RANBP10: variants seen among roughly 807,000 people sequenced by gnomAD.
RANBP10 encodes the protein ran-binding protein 10.
A neutral mutation model predicts 72.8 loss-of-function variants in RANBP10; 24 were observed. That is an observed-to-expected ratio of 0.33 (90% CI 0.24 to 0.46). The LOEUF (loss-of-function observed/expected upper bound fraction) is 0.46, where lower values mean the gene tolerates loss of function less well. Among genes scored for constraint, RANBP10 ranks in the 20% least tolerant of loss-of-function variants. The probability of loss-of-function intolerance (pLI) is 1.00; values close to 1 mark genes in which losing one functional copy is unlikely to be tolerated. For missense variants in RANBP10, 679 were observed against 817.5 expected (o/e 0.83, Z 2.07); for synonymous variants, 310 against 322.3 (o/e 0.96, Z 0.41).
chr16:67,776,484 AAAG>A (rs1472235790), intron 2 of RANBP10, among the ~76,000 whole-genome samples: 36 of 150,116 alleles, frequency 2.4e-4, no homozygotes, highest in Admixed American at 4.7e-4. Flanking sequence ...AAAAAAAAAA[AAAG>A]AATTGGCCAG....
At chr16:67,780,283 G>C (rs979324844) in intron 2 of RANBP10, among the ~76,000 whole-genome samples, 1 of 152,080 alleles carries the variant, frequency 6.6e-6, no homozygotes, top group Admixed American at 6.6e-5. Flanking sequence ...AAGGCATAGA[G>C]GCAAGAAAGC....
chr16:67,745,629 C>G (rs1395103384), intron 3 of RANBP10, among the ~76,000 whole-genome samples: 2 of 152,214 alleles, frequency 1.3e-5, no homozygotes, highest in Non-Finnish European at 2.9e-5. Context: ...GCCACCGTAC[C>G]TGGCCGATTC....
chr16:67,805,486 G>A lies in RANBP10; in HGVS notation c.289C>T (p.Pro97Ser), dbSNP rs2055361805. Residue 97 changes from proline (P) to serine (S), a missense_variant, in exon 2 of 14, where the codon CCT (proline) becomes TCT (serine). By Grantham distance (74) the Pro-to-Ser change is moderately conservative. Transcript: ENST00000317506. ...AASVRATHPI[P>S]AACGIYYFEV... The stretch of plus-strand genomic sequence containing the variant: ...AAGTAATAAATGCCACAGGCAGCAG[G>A]TATGGGGTGGGTGGCACGCACTGAG... The A allele has an allele frequency of 6.2e-7, 1 of 1,614,162 alleles. No homozygotes were observed. Among genetic ancestry groups the A allele is most frequent in the Non-Finnish European group, 8.5e-7 (1 of 1,180,018 alleles).
intron 2 of RANBP10, among the ~76,000 whole-genome samples, chr16:67,781,818 T>C (rs2054817517): frequency 6.6e-6 from 1 of 152,090 alleles, no homozygotes; most frequent in South Asian, 2.1e-4. Context: ...TTGGGACAAG[T>C]GGAGTCGAGA....
Position 67,736,061 on chromosome 16 carries a change from C to T in RANBP10, c.592-1019G>A, listed in dbSNP as rs775081729. On this transcript the variant is annotated intron_variant, in intron 5 of 13. Transcript: ENST00000317506. ...GGCTCCCCACTGCAACTGTCCAGAGCCTCGCTAGCCTCCTCCCCACTGTCA... is the reference window on the plus strand; with the variant it reads ...GGCTCCCCACTGCAACTGTCCAGAGTCTCGCTAGCCTCCTCCCCACTGTCA... Among the ~76,000 whole-genome samples, 3 of 152,168 alleles carry T rather than the reference C, an allele frequency of 2.0e-5. No individual in the cohort carries two copies. The South Asian group carries it at 6.2e-4, about 32-fold the overall frequency.
At chr16:67,792,635 T>C (rs1204066339) in intron 2 of RANBP10, among the ~76,000 whole-genome samples, 1 of 151,138 alleles carries the variant, frequency 6.6e-6, no homozygotes. Flanking sequence ...ATACAAAAAT[T>C]AGCTGGGCAT....
chr16:67,758,700 G>A (rs542217000), intron 3 of RANBP10, among the ~76,000 whole-genome samples: 1 of 152,214 alleles, frequency 6.6e-6, no homozygotes. Context: ...CTCTGCTGTC[G>A]ATGAAACCTT....
chr16:67,806,224 G>A, intron 1 of RANBP10, 78 bp downstream of exon 1: 1 of 1,353,062 alleles, frequency 7.4e-7, no homozygotes, highest in Non-Finnish European at 1.0e-6. Context: ...AAAGGGAGGT[G>A]ATAGGGCGGG....
chr16:67,751,896 G>C, intron 3 of RANBP10, among the ~76,000 whole-genome samples: 1 of 119,530 alleles, frequency 8.4e-6, no homozygotes, highest in African/African-American at 3.1e-5. Flanking sequence ...GTCTCAAAAA[G>C]AAAAAAAAAA....
chr16:67,765,782 G>A (rs1019316938), intron 3 of RANBP10, among the ~76,000 whole-genome samples: 6 of 152,110 alleles, frequency 3.9e-5, no homozygotes, highest in African/African-American at 7.2e-5. Flanking sequence ...CTTGCAGTGA[G>A]CCGAGATCGC....
At chr16:67,800,579 AAGAC>A (rs1217868328) in intron 2 of RANBP10, among the ~76,000 whole-genome samples, 18 of 152,056 alleles carry the variant, frequency 1.2e-4, no homozygotes, top group Non-Finnish European at 1.9e-4. Flanking sequence ...GCTTCCTAGA[AAGAC>A]AGACCTGGAT....
At chr16:67,728,047 C>T (rs1367294689) in intron 11 of RANBP10, 151 bp from the exon 12 acceptor site, 7 of 827,322 alleles carry the variant, frequency 8.5e-6, no homozygotes, top group Admixed American at 2.3e-5. Context: ...ACAGTCAAGG[C>T]GTTCTTCTCT....
intron 11 of RANBP10, 32 bp from the exon 12 acceptor site, chr16:67,727,928 G>T: frequency 1.2e-6 from 2 of 1,611,692 alleles, no homozygotes. Context: ...GAACGTGTTA[G>T]GAGGGGTGAA....
chr16:67,762,463 G>A (rs2054417004), intron 3 of RANBP10: 1 of 152,208 alleles, frequency 6.6e-6, no homozygotes, highest in African/African-American at 2.4e-5. Flanking sequence ...CCGCCAGGAT[G>A]CAAATGCAGG....
intron 3 of RANBP10, among the ~76,000 whole-genome samples, chr16:67,751,941 A>C (rs184527591): frequency 1.6e-3 from 241 of 152,224 alleles, no homozygotes; most frequent in Middle Eastern, 6.8e-3. Context: ...CTGGCTATAA[A>C]TATGGATTTT....
intron 4 of RANBP10, among the ~76,000 whole-genome samples, chr16:67,741,453 A>G (rs1716731513): frequency 6.6e-6 from 1 of 152,212 alleles, no homozygotes; most frequent in Non-Finnish European, 1.5e-5. Context: ...TCAGGCAAAG[A>G]TCCAGGATGC....
intron 2 of RANBP10, among the ~76,000 whole-genome samples, chr16:67,794,930 T>TAAAAAAAAAAAAA (rs1239858200): frequency 1.1e-4 from 6 of 54,230 alleles, no homozygotes; most frequent in East Asian, 1.1e-3. Context: ...TGCCTCAAAT[T>TAAAAAAAAAAAAA]AAAAAAAAAA....
At position 67,731,566 on chromosome 16, in the gene RANBP10, G is replaced by A. The variant is rs767427091; in HGVS notation, c.795C>T (p.Leu265=). 1.7e-5 allele frequency: 27 copies of A among 1,613,820 alleles called. No homozygotes were observed. Among genetic ancestry groups the A allele is most frequent in the Admixed American group, 8.3e-5 (5 of 59,994 alleles). ...CTGTGGCACAATACCCATGATGCAC[G>A]AGGTAAGATGAAACCATGCTAGAAG... is the stretch of plus-strand genomic sequence containing the variant. The part of the protein sequence containing the change: ...AVLQNMVSSY[L]VHHGYCATAT... Residue 265 remains leucine (L), a synonymous_variant, in exon 7 of 14, where the codon CTC becomes CTT. Transcript: ENST00000317506.
chr16:67,733,436 A>G (rs2053774495), intron 6 of RANBP10, among the ~76,000 whole-genome samples: 1 of 152,344 alleles, frequency 6.6e-6, no homozygotes. Flanking sequence ...GGTAAATATG[A>G]AAAAGTCTTT....
Sources: allele counts gnomAD v4.1 joint callset (sites outside exome capture counted in the v4.1 genomes callset), GRCh38; gene constraint gnomAD v4.1.1; transcripts MANE v1.5; gene names NCBI Gene and HGNC (gene_info 2026-07-23, HGNC 2026-07-21).